The following ANXA6 variants were observed in gnomAD, a reference collection of about 807,000 sequenced individuals.
The protein encoded by ANXA6 is annexin A6.
ANXA6 carries 71 observed loss-of-function variants against 95.4 expected under a neutral mutation model. The observed-to-expected ratio is 0.74, with a 90% CI of 0.61 to 0.91. The LOEUF is 0.91. Ranked by LOEUF, ANXA6 falls within the 40% of genes least tolerant of loss-of-function variation. ANXA6 has a pLI of 0.00. For synonymous variants in ANXA6, 289 were observed against 315.9 expected (o/e 0.91, Z 0.90); for missense variants, 830 against 876.4 (o/e 0.95, Z 0.67).
chr5:151,130,481 T>C (rs1345076836), intron 11 of ANXA6, among the ~76,000 whole-genome samples: 3 of 152,204 alleles, frequency 2.0e-5, no homozygotes, highest in African/African-American at 7.2e-5. Flanking sequence ...TCTTGAACTT[T>C]GGGCCTCAAG....
In ANXA6 at chr5:151,122,932, C is replaced by A. The variant is rs374219814; in HGVS notation, c.1218G>T (p.Lys406Asn). The A allele has an allele frequency of 8.1e-6, 13 of 1,613,854 alleles. No individual in the cohort carries two copies. In the African/African-American group the frequency reaches 1.5e-4, roughly 18 times the overall value. The change falls in exon 16 of 26, where the codon AAG becomes AAT. Residue 406 changes from lysine to asparagine, a missense_variant. Coordinates refer to ENST00000354546, the MANE Select transcript of ANXA6 (RefSeq NM_001155.5). ...AGGTCCTTACCCGGCCAAAGTGAGA[C>A]TTGAAGGTCTGCCGGATCTGCTGCC... ...VQRQQIRQTF[K>N]SHFGRDLMTD...
At chr5:151,146,393 A>G (rs1765976379) in intron 2 of ANXA6, among the ~76,000 whole-genome samples, 2 of 152,342 alleles carry the variant, frequency 1.3e-5, no homozygotes, top group African/African-American at 4.8e-5. Flanking sequence ...TACACACAGT[A>G]TACTCCTCAG....
At chr5:151,121,030 T>G (rs1159125644) in intron 17 of ANXA6, among the ~76,000 whole-genome samples, 2 of 152,258 alleles carry the variant, frequency 1.3e-5, no homozygotes, top group Non-Finnish European at 2.9e-5. Flanking sequence ...ACCCTGTGTC[T>G]TTAGATCGTT....
chr5:151,101,176 G>C lies in ANXA6; in HGVS notation c.*272C>G. ...AACCAGGGCAGAGGCTGTAGCAAGG[G>C]GAGGAAGCTGGGAAAGCCTGAGGGT... On this transcript the variant is annotated 3_prime_UTR_variant, in exon 26 of 26. Transcript: ENST00000354546. 1.7e-6 allele frequency: 1 copy of C among 583,292 alleles called. No homozygotes were observed. Among genetic ancestry groups the C allele is most frequent in the South Asian group, 1.9e-5 (1 of 53,272 alleles). The allele number at this position is 583,292 out of a possible 1,614,324, so 36.1% of individuals were successfully genotyped here.
At chr5:151,120,466 CAGCACTTTAGGA>C (rs1765136581) in intron 17 of ANXA6, among the ~76,000 whole-genome samples, 1 of 151,216 alleles carries the variant, frequency 6.6e-6, no homozygotes, top group Non-Finnish European at 1.5e-5. Flanking sequence ...CCTGTAATCC[CAGCACTTTAGGA>C]AGCTGAAGAG....
At chr5:151,109,664 G>A (rs796311365) in intron 22 of ANXA6, 89 bp downstream of exon 22, 15 of 1,057,122 alleles carry the variant, frequency 1.4e-5, no homozygotes, top group African/African-American at 9.5e-5. Context: ...GGTGGGCAAC[G>A]GGCTCCTCTT....
intron 6 of ANXA6, 54 bp from the exon 7 acceptor site, chr5:151,136,389 G>C: frequency 1.3e-6 from 2 of 1,538,020 alleles, no homozygotes; most frequent in Admixed American, 1.7e-5. Context: ...CAGGGATCTA[G>C]GATAAAGGGC....
At chr5:151,105,611 A>C (rs569238446) in intron 23 of ANXA6, among the ~76,000 whole-genome samples, 1 of 152,132 alleles carries the variant, frequency 6.6e-6, no homozygotes, top group Non-Finnish European at 1.5e-5. Context: ...GGGGCCTCAA[A>C]TTTTTAAATG....
Position 151,140,193 on chromosome 5 carries a change from G to T in ANXA6, c.69C>A (p.Asn23Lys), listed in dbSNP as rs748073345. ...CAGTGTACAGAGCCTCGGCATCCTG[G>T]TTGGGGTCAAAGCCTGGGAAGTCAT... ...SIHDFPGFDP[N>K]QDAEALYTAM... Residue 23 changes from asparagine to lysine, a missense_variant, in exon 3 of 26, where the codon AAC becomes AAA. Transcript: ENST00000354546. 2 of 1,613,958 alleles carry T rather than the reference G, an allele frequency of 1.2e-6. No individual in the cohort carries two copies. The highest frequency in any genetic ancestry group is 2.7e-5 in the African/African-American group (2 of 75,026).
intron 20 of ANXA6, among the ~76,000 whole-genome samples, chr5:151,113,025 A>C (rs937408477): frequency 1.2e-4 from 19 of 152,206 alleles, no homozygotes; most frequent in African/African-American, 4.3e-4. Flanking sequence ...TTGGTTTTGC[A>C]TGACGAAAAC....
chr5:151,127,793 T>C (rs1765369322), intron 13 of ANXA6, among the ~76,000 whole-genome samples: 1 of 152,152 alleles, frequency 6.6e-6, no homozygotes, highest in Non-Finnish European at 1.5e-5. Flanking sequence ...TTAACACAAA[T>C]ATGCTGCATA....
intron 1 of ANXA6, among the ~76,000 whole-genome samples, chr5:151,154,664 G>A (rs766146764): frequency 3.9e-5 from 6 of 152,210 alleles, no homozygotes; most frequent in African/African-American, 9.7e-5. Context: ...GGCTCTGTGC[G>A]TGGGCACACC....
chr5:151,121,001 C>T (rs115253176), intron 17 of ANXA6, among the ~76,000 whole-genome samples: 1 of 152,210 alleles, frequency 6.6e-6, no homozygotes, highest in East Asian at 1.9e-4. Flanking sequence ...GTTACCTCAT[C>T]GATCTCTTCT....
In ANXA6 at chr5:151,157,668, C is replaced by T. The variant is rs1454276977; in HGVS notation, c.-26+12G>A. 6.5e-6 allele frequency: 1 copy of T among 152,860 alleles called. No individual in the cohort carries two copies. Among genetic ancestry groups the T allele is most frequent in the African/African-American group, 2.4e-5 (1 of 41,470 alleles). The allele number at this position is 152,860 out of a possible 1,614,324, so 9.5% of individuals were successfully genotyped here. A position where few individuals can be genotyped will look rare whatever the true frequency, so the allele number is the denominator to read the frequency against. Reference sequence around the variant, plus strand: ...CCAGAGCGACTCCCCTCTCCAGCCTCAGCCCACTCACCGCGCAGCGGAGGC... The same window carrying T: ...CCAGAGCGACTCCCCTCTCCAGCCTTAGCCCACTCACCGCGCAGCGGAGGC... On this transcript the variant is annotated intron_variant, in intron 1 of 25. Coordinates refer to ENST00000354546, the MANE Select transcript of ANXA6 (RefSeq NM_001155.5).
chr5:151,152,917 G>A (rs894450862), intron 1 of ANXA6, among the ~76,000 whole-genome samples: 12 of 152,128 alleles, frequency 7.9e-5, no homozygotes, highest in African/African-American at 2.9e-4. Flanking sequence ...AGGAGATGTT[G>A]AGCGTAAGGG....
intron 1 of ANXA6, among the ~76,000 whole-genome samples, chr5:151,153,462 G>A (rs1184966419): frequency 6.6e-6 from 1 of 152,166 alleles, no homozygotes; most frequent in South Asian, 2.1e-4. Flanking sequence ...CAAGCCAGAA[G>A]GTATTCCCCC....
At chr5:151,117,358 C>T (rs1765030795) in intron 19 of ANXA6, among the ~76,000 whole-genome samples, 178 bp from the exon 20 acceptor site, 1 of 152,172 alleles carries the variant, frequency 6.6e-6, no homozygotes, top group South Asian at 2.1e-4. Context: ...AGAATGTGTG[C>T]AAGACACTTA....
At chr5:151,114,333 C>T (rs1436290807) in intron 20 of ANXA6, among the ~76,000 whole-genome samples, 1 of 151,956 alleles carries the variant, frequency 6.6e-6, no homozygotes, top group African/African-American at 2.4e-5. Context: ...AAGCCTGGGC[C>T]AGGCATGGTG....
chr5:151,144,388 A>T (rs1291956346), intron 2 of ANXA6, among the ~76,000 whole-genome samples: 1 of 152,178 alleles, frequency 6.6e-6, no homozygotes, highest in Non-Finnish European at 1.5e-5. Context: ...GGATCTAGAA[A>T]CTATTTTAAC....
Sources: allele counts gnomAD v4.1 joint callset (sites outside exome capture counted in the v4.1 genomes callset), GRCh38; gene constraint gnomAD v4.1.1; transcripts MANE v1.5; gene names NCBI Gene and HGNC (gene_info 2026-07-23, HGNC 2026-07-21).